KNOP1: variants seen among roughly 807,000 people sequenced by gnomAD.
KNOP1 encodes lysine rich nucleolar protein 1, also known as lysine-rich nucleolar protein 1.
A neutral mutation model predicts 30.6 loss-of-function variants in KNOP1; 20 were observed. That is an observed-to-expected ratio of 0.65 (90% CI 0.46 to 0.95). The LOEUF (loss-of-function observed/expected upper bound fraction) is 0.95. Ranked by LOEUF, KNOP1 falls within the 40% of genes least tolerant of loss-of-function variation. The pLI is 0.00. For missense variants in KNOP1, 540 were observed against 562.0 expected, an observed-to-expected ratio of 0.96 and a Z score of 0.40; for synonymous variants, 204 against 210.0, an observed-to-expected ratio of 0.97 and a Z score of 0.25.
At chr16:19,709,563 G>A (rs569969976) in intron 4 of KNOP1, among the ~76,000 whole-genome samples, 2 of 152,166 alleles carry the variant, frequency 1.3e-5, no homozygotes, top group Non-Finnish European at 2.9e-5. Flanking sequence ...CGCTGAGGCC[G>A]AGGCCTGTGG....
intron 3 of KNOP1, among the ~76,000 whole-genome samples, chr16:19,711,061 T>C (rs1976692579): frequency 6.6e-6 from 1 of 152,010 alleles, no homozygotes; most frequent in African/African-American, 2.4e-5. Flanking sequence ...GCCCAGGGGG[T>C]GGCAGCATGT....
chr16:19,710,546 G>A lies in KNOP1; in HGVS notation c.1028C>T (p.Ser343Leu), dbSNP rs762868456. 3.7e-6 allele frequency: 6 copies of A among 1,612,554 alleles called. No individual in the cohort carries two copies. The highest frequency in any genetic ancestry group is 4.2e-6 in the Non-Finnish European group (5 of 1,180,042). ...KALQEEIDRESGKTEASETRK... is the reference protein window; with the variant it reads ...KALQEEIDRELGKTEASETRK... ...GGTTTCAGAAGCTTCCGTTTTGCCT[G>A]ACTCGCGATCGATCTCTTCTTGCAA... Residue 343 changes from serine to leucine, a missense_variant, in exon 4 of 5, where the codon TCA becomes TTA. Physicochemically the swap from Ser to Leu is moderately radical, Grantham distance 145. Transcript: ENST00000219837.
chr16:19,714,178 C>T lies in KNOP1; in HGVS notation c.858G>A (p.Leu286=). The T allele has an allele frequency of 6.2e-7, 1 of 1,614,004 alleles. No homozygotes were observed. The highest frequency in any genetic ancestry group is 2.2e-5 in the East Asian group (1 of 44,876). Residue 286 remains leucine (L), a synonymous_variant, in exon 2 of 5, where the codon CTG becomes CTA. Transcript: ENST00000219837. The part of the protein sequence containing the change: ...VEQPVIEEPA[L]KRKKKKKRKE... The stretch of plus-strand genomic sequence containing the variant: ...TCCTCTTCTTCTTTTTCTTCCTTTT[C>T]AGAGCTGGCTCCTCGATGACTGGCT...
intron 4 of KNOP1, 137 bp downstream of exon 4, chr16:19,710,372 G>A: frequency 1.2e-6 from 1 of 825,050 alleles, no homozygotes; most frequent in African/African-American, 1.7e-5. Flanking sequence ...TGTGGAGGGA[G>A]CCTGCTGCAG....
At chr16:19,709,223 C>T (rs113874699) in intron 4 of KNOP1, among the ~76,000 whole-genome samples, 110 of 152,324 alleles carry the variant, frequency 7.2e-4, no homozygotes, top group African/African-American at 2.5e-3. Context: ...CAGAGTCCCA[C>T]CACTAGACAG....
At chr16:19,712,771 C>A (rs946394623) in intron 2 of KNOP1, among the ~76,000 whole-genome samples, 2 of 152,214 alleles carry the variant, frequency 1.3e-5, no homozygotes, top group Non-Finnish European at 2.9e-5. Context: ...AGGACACACA[C>A]CCTGAAACAA....
At position 19,714,583 on chromosome 16, in the gene KNOP1, G is replaced by A. The variant is rs1047263020; in HGVS notation, c.453C>T (p.His151=). Residue 151 remains histidine, a synonymous_variant, in exon 2 of 5, where the codon CAC becomes CAT. Transcript: ENST00000219837. ...CCTGGGCCCCCTTTTTTTCCTTCTTGTGTTTTTTGAGCTTCTTGCCAACTC... is the reference window on the plus strand; with the variant it reads ...CCTGGGCCCCCTTTTTTTCCTTCTTATGTTTTTTGAGCTTCTTGCCAACTC... ...ETRVGKKLKK[H]KKEKKGAQDP... The A allele has an allele frequency of 1.2e-5, 19 of 1,613,922 alleles. No homozygotes were observed. The highest frequency in any genetic ancestry group is 1.4e-5 in the Non-Finnish European group (17 of 1,179,944).
intron 4 of KNOP1, 93 bp downstream of exon 4, chr16:19,710,416 G>A (rs748732334): frequency 7.9e-7 from 1 of 1,268,844 alleles, no homozygotes; most frequent in Non-Finnish European, 1.2e-6. Flanking sequence ...GACATACTTG[G>A]TTCTCCTGCT....
rs1171066089 is a variant in KNOP1, at chr16:19,705,573, C to T, written c.*1337G>A. On this transcript the variant is annotated 3_prime_UTR_variant, in exon 5 of 5. Coordinates refer to ENST00000219837, the MANE Select transcript of KNOP1 (RefSeq NM_001012991.3). Reference sequence around the variant, plus strand: ...TACAGAAGTCACCTGGGATTCTCTTCCTTGTGATAAAAAAGAATCTCATCA... The same window carrying T: ...TACAGAAGTCACCTGGGATTCTCTTTCTTGTGATAAAAAAGAATCTCATCA... 7.1e-6 allele frequency: 2 copies of T among 281,664 alleles called. No individual in the cohort carries two copies. Among genetic ancestry groups the T allele is most frequent in the Non-Finnish European group, 1.4e-5 (2 of 143,168 alleles). The allele number at this position is 281,664 out of a possible 1,614,324, so 17.4% of individuals were successfully genotyped here. A position where few individuals can be genotyped will look rare whatever the true frequency, so the allele number is the denominator to read the frequency against.
Position 19,711,304 on chromosome 16 carries a change from GGCA to G in KNOP1, c.987+65_987+67del, listed in dbSNP as rs1976706526. The G allele has an allele frequency of 7.9e-6, 12 of 1,511,548 alleles. No homozygotes were observed. In the South Asian group the frequency reaches 1.4e-4, roughly 17 times the overall value. 93.6% of individuals were successfully genotyped at this position (1,511,548 alleles called of 1,614,324 possible). On this transcript the variant is annotated intron_variant, in intron 3 of 4. Coordinates refer to ENST00000219837, the MANE Select transcript of KNOP1 (RefSeq NM_001012991.3). ...CCAGGATCACCTAGCCAGCCTGGCA[GGCA>G]GCAAGTGAGACTCCAAGGGTGGCAG...
chr16:19,707,194 C>G lies in KNOP1; in HGVS notation c.1093G>C (p.Ala365Pro), dbSNP rs767203767. 6.2e-7 allele frequency: 1 copy of G among 1,613,414 alleles called. No individual in the cohort carries two copies. The highest frequency in any genetic ancestry group is 8.5e-7 in the Non-Finnish European group (1 of 1,179,978). The change falls in exon 5 of 5, where the codon GCT becomes CCT. Residue 365 changes from alanine to proline, a missense_variant. Transcript: ENST00000219837. ...TGTQFGQWDT[A>P]GFENEDQKLK... ...TTTTGGTCCTCGTTCTCAAAACCAG[C>G]AGTATCCCACTGGCCAAACTGGGTT...
chr16:19,704,498 C>T lies in KNOP1; in HGVS notation c.*2412G>A, dbSNP rs1324104042. The T allele has an allele frequency of 6.6e-6, 1 of 151,960 alleles. No homozygotes were observed. The highest frequency in any genetic ancestry group is 1.5e-5 in the Non-Finnish European group (1 of 68,030). 9.4% of individuals were successfully genotyped at this position (151,960 alleles called of 1,614,324 possible). ...TCCAGCTACTCAGGAGACTGAGGCA[C>T]AAGAATCGCTTGAACCCAGGAAGCA... On this transcript the variant is annotated 3_prime_UTR_variant, in exon 5 of 5. Transcript: ENST00000219837.
chr16:19,705,210 G>C lies in KNOP1; in HGVS notation c.*1700C>G. 1 of 456,038 alleles carries C rather than the reference G, an allele frequency of 2.2e-6. No individual in the cohort carries two copies. The highest frequency in any genetic ancestry group is 4.4e-6 in the Non-Finnish European group (1 of 226,802). The allele number at this position is 456,038 out of a possible 1,614,324, so 28.2% of individuals were successfully genotyped here. ...ATGATGGAGAGAATGCTTCCTTGGC[G>C]AGCTGTTGAACCAGGCCCTAATCAG... is the stretch of plus-strand genomic sequence containing the variant. On this transcript the variant is annotated 3_prime_UTR_variant, in exon 5 of 5. Coordinates refer to ENST00000219837, the MANE Select transcript of KNOP1 (RefSeq NM_001012991.3).
Position 19,714,775 on chromosome 16 carries a change from C to T in KNOP1, c.261G>A (p.Thr87=), listed in dbSNP as rs778453570. The T allele has an allele frequency of 2.2e-5, 35 of 1,614,186 alleles. No homozygotes were observed. The highest frequency in any genetic ancestry group is 3.0e-5 in the Non-Finnish European group (35 of 1,180,040). Reference sequence around the variant, plus strand: ...ACTTCTCTGTCCGTCTAGCAGGCAGCGTGGTCTCAGGTTCTACATGCTCCT... The same window carrying T: ...ACTTCTCTGTCCGTCTAGCAGGCAGTGTGGTCTCAGGTTCTACATGCTCCT... ...LCEEHVEPET[T]LPARRTEKSP... Residue 87 remains threonine, a synonymous_variant, in exon 2 of 5, where the codon ACG becomes ACA. Coordinates refer to ENST00000219837, the MANE Select transcript of KNOP1 (RefSeq NM_001012991.3).
chr16:19,713,621 G>A (rs189071025), intron 2 of KNOP1, among the ~76,000 whole-genome samples: 64 of 152,276 alleles, frequency 4.2e-4, no homozygotes, highest in African/African-American at 1.4e-3. Context: ...AAAGCCCAGA[G>A]CTGAGGAAAT....
In KNOP1 at chr16:19,705,722, T is replaced by A. The variant is rs1306796777; in HGVS notation, c.*1188A>T. On this transcript the variant is annotated 3_prime_UTR_variant, in exon 5 of 5. Coordinates refer to ENST00000219837, the MANE Select transcript of KNOP1 (RefSeq NM_001012991.3). The stretch of plus-strand genomic sequence containing the variant: ...GCCTGGACAATATAGTGAGACCCCA[T>A]CTCTACAAAAAATTTTAAACACTAG... 1 of 156,116 alleles carries A rather than the reference T, an allele frequency of 6.4e-6. No individual in the cohort carries two copies. The highest frequency in any genetic ancestry group is 2.4e-5 in the African/African-American group (1 of 41,482). The allele number at this position is 156,116 out of a possible 1,614,324, so 9.7% of individuals were successfully genotyped here. A position where few individuals can be genotyped will look rare whatever the true frequency, so the allele number is the denominator to read the frequency against.
chr16:19,713,903 C>T (rs771026261), intron 2 of KNOP1, among the ~76,000 whole-genome samples: 11 of 152,174 alleles, frequency 7.2e-5, no homozygotes, highest in African/African-American at 4.8e-5. Context: ...GCATGAGCCC[C>T]TAGATCCAGC....
intron 1 of KNOP1, chr16:19,717,753 TA>T (rs1977252718): frequency 1.0e-6 from 1 of 994,056 alleles, no homozygotes; most frequent in African/African-American, 1.7e-5. Flanking sequence ...GAGACTACAA[TA>T]ATTCACTTGC....
Position 19,714,969 on chromosome 16 carries a change from T to C in KNOP1, c.67A>G (p.Lys23Glu). 2 of 1,600,916 alleles carry C rather than the reference T, an allele frequency of 1.2e-6. No homozygotes were observed. Among genetic ancestry groups the C allele is most frequent in the Non-Finnish European group, 1.7e-6 (2 of 1,176,548 alleles). Residue 23 changes from lysine (K) to glutamate (E), a missense_variant, in exon 2 of 5, where the codon AAA (lysine) becomes GAA (glutamate). Transcript: ENST00000219837. ...ACTGAGTATCGAGTCTCTGGTTCTT[T>C]GACCACTTTCTTCTTCTTTTTCTTC... The part of the protein sequence containing the change: ...PEKKKKKKVV[K>E]EPETRYSVLN...
Sources: allele counts gnomAD v4.1 joint callset (sites outside exome capture counted in the v4.1 genomes callset), GRCh38; gene constraint gnomAD v4.1.1; transcripts MANE v1.5; gene names NCBI Gene and HGNC (gene_info 2026-07-23, HGNC 2026-07-21).